GRM7: variants seen among roughly 807,000 people sequenced by gnomAD.
GRM7 encodes the protein metabotropic glutamate receptor 7.
A neutral mutation model predicts 84.5 loss-of-function variants in GRM7; 35 were observed. The observed-to-expected ratio is 0.41, with a 90% confidence interval of 0.32 to 0.55. GRM7 has a LOEUF of 0.55. Among genes scored for constraint, GRM7 ranks in the 20% least tolerant of loss-of-function variants. The pLI is 0.19. For missense variants in GRM7, 1,003 were observed against 1,194.6 expected (o/e 0.84, Z 2.36); for synonymous variants, 487 against 455.1 (o/e 1.07, Z -0.89).
intron 1 of GRM7, among the ~76,000 whole-genome samples, chr3:7,108,873 C>T (rs978822665): frequency 2.0e-5 from 3 of 152,052 alleles, no homozygotes; most frequent in African/African-American, 7.2e-5. Context: ...CCAATTTTCT[C>T]CTGTGTGATA....
At chr3:7,260,673 T>TTGTGTGTG (rs71063292) in intron 2 of GRM7, among the ~76,000 whole-genome samples, 2,243 of 144,480 alleles carry the variant, frequency 0.016, 18 homozygotes, top group African/African-American at 0.024. Flanking sequence ...TTCTTTTGAA[T>TTGTGTGTG]TGTGTGTGTG....
At chr3:7,204,399 A>T (rs1460818952) in intron 2 of GRM7, among the ~76,000 whole-genome samples, 1 of 152,234 alleles carries the variant, frequency 6.6e-6, no homozygotes, top group East Asian at 1.9e-4. Context: ...TTTGTCAGCT[A>T]ATATTGGGTT....
chr3:6,908,553 TC>T (rs1696660346), intron 1 of GRM7, among the ~76,000 whole-genome samples: 1 of 152,064 alleles, frequency 6.6e-6, no homozygotes, highest in South Asian at 2.1e-4. Context: ...CAGAAATAAC[TC>T]CCCTATTTGC....
chr3:7,297,912 C>T (rs190211479), intron 2 of GRM7, among the ~76,000 whole-genome samples: 13 of 152,270 alleles, frequency 8.5e-5, no homozygotes, highest in African/African-American at 2.6e-4. Flanking sequence ...AAGATGTATA[C>T]GCATTGCTTA....
In GRM7 at chr3:7,348,905, C is replaced by A. The variant is rs375982224; in HGVS notation, c.1033+42253C>A. On this transcript the variant is annotated intron_variant, in intron 4 of 9. Coordinates refer to ENST00000357716, the MANE Select transcript of GRM7 (RefSeq NM_000844.4). ...ATTCAAAGAGAACATGAATAACATA[C>A]ATGTAATTCTTTAAGCATTGATCAA... 3.3e-5 allele frequency among the ~76,000 whole-genome samples: 5 copies of A among 152,180 alleles called. No individual in the cohort carries two copies. The East Asian group carries it at 5.8e-4, about 18-fold the overall frequency.
chr3:6,953,809 A>G (rs1483185799), intron 1 of GRM7, among the ~76,000 whole-genome samples: 1 of 152,138 alleles, frequency 6.6e-6, no homozygotes, highest in Non-Finnish European at 1.5e-5. Context: ...CTTCTTTGGG[A>G]TTAGTAGACT....
At chr3:7,232,947 T>A (rs1443516770) in intron 2 of GRM7, among the ~76,000 whole-genome samples, 1 of 152,144 alleles carries the variant, frequency 6.6e-6, no homozygotes, top group Non-Finnish European at 1.5e-5. Context: ...TACTTATGGG[T>A]ACCCTGAAGG....
At chr3:7,675,471 CAGTT>C (rs1333049462) in intron 8 of GRM7, among the ~76,000 whole-genome samples, 11 of 152,190 alleles carry the variant, frequency 7.2e-5, no homozygotes, top group Admixed American at 5.2e-4. Context: ...ACACGGAACT[CAGTT>C]AGCACTAAAT....
intron 9 of GRM7, among the ~76,000 whole-genome samples, chr3:7,722,220 A>G (rs1020465695): frequency 2.0e-5 from 3 of 152,222 alleles, no homozygotes; most frequent in African/African-American, 4.8e-5. Flanking sequence ...GAAATTTTCC[A>G]TATGCATTCA....
chr3:7,395,014 A>G, intron 4 of GRM7, among the ~76,000 whole-genome samples: 1 of 147,506 alleles, frequency 6.8e-6, no homozygotes. Context: ...CTCCAGCCTG[A>G]GCAACAACAG....
intron 2 of GRM7, among the ~76,000 whole-genome samples, chr3:7,208,852 T>C (rs1696327750): frequency 6.6e-6 from 1 of 152,102 alleles, no homozygotes; most frequent in South Asian, 2.1e-4. Flanking sequence ...CCCAAGAGGG[T>C]ATAATAGATA....
intron 2 of GRM7, among the ~76,000 whole-genome samples, chr3:7,283,398 C>CTAT (rs1385971903): frequency 5.2e-5 from 6 of 114,586 alleles, no homozygotes; most frequent in Non-Finnish European, 1.1e-4. Context: ...ATTGAGGTTG[C>CTAT]TGTTATTATT....
chr3:7,069,604 C>G (rs1697790522), intron 1 of GRM7, among the ~76,000 whole-genome samples: 1 of 152,060 alleles, frequency 6.6e-6, no homozygotes, highest in South Asian at 2.1e-4. Context: ...CCAGTGGCCT[C>G]TTATGATTTT....
At position 7,582,287 on chromosome 3, in the gene GRM7, C is replaced by G. The variant is rs115963179; in HGVS notation, c.2451+2930C>G. Among the ~76,000 whole-genome samples the G allele has an allele frequency of 6.1e-3, 935 of 152,178 alleles. 9 individuals are homozygous for G. The highest frequency in any genetic ancestry group is 0.022 in the African/African-American group (893 of 41,522). On this transcript the variant is annotated intron_variant, in intron 8 of 9. Transcript: ENST00000357716. ...TCAGGTAGGGAACATACAGGCTACCCGGTCAAAATCTGAAAAATTCTATAG... is the reference window on the plus strand; with the variant it reads ...TCAGGTAGGGAACATACAGGCTACCGGGTCAAAATCTGAAAAATTCTATAG...
intron 1 of GRM7, among the ~76,000 whole-genome samples, chr3:6,909,447 C>A (rs766307901): frequency 1.3e-5 from 2 of 152,132 alleles, no homozygotes; most frequent in Non-Finnish European, 2.9e-5. Flanking sequence ...CCTATAAACT[C>A]CTTCAGGACA....
intron 1 of GRM7, among the ~76,000 whole-genome samples, chr3:6,870,804 C>A (rs955927759): frequency 6.6e-6 from 1 of 152,034 alleles, no homozygotes; most frequent in Non-Finnish European, 1.5e-5. Flanking sequence ...AGATTTTGGG[C>A]CTGGGCAACT....
chr3:7,197,356 C>T (rs748578268), intron 2 of GRM7, among the ~76,000 whole-genome samples: 2 of 152,182 alleles, frequency 1.3e-5, no homozygotes, highest in African/African-American at 4.8e-5. Flanking sequence ...TTAAAGACAT[C>T]TTTTATCCTC....
At chr3:7,636,448 G>A (rs1182226392) in intron 8 of GRM7, 41 of 346,950 alleles carry the variant, frequency 1.2e-4, no homozygotes, top group South Asian at 4.3e-4. Context: ...CAAGAACATC[G>A]GTTGAGAATA....
chr3:7,247,138 A>G (rs995190611), intron 2 of GRM7, among the ~76,000 whole-genome samples: 3 of 152,198 alleles, frequency 2.0e-5, no homozygotes, highest in Non-Finnish European at 4.4e-5. Flanking sequence ...CTTGCCTCTC[A>G]ACATACATGA....
Sources: gnomAD v4.1 joint callset for allele counts (sites outside exome capture counted in the v4.1 genomes callset) on GRCh38, gnomAD v4.1.1 for gene constraint, MANE v1.5 for transcripts, NCBI Gene and HGNC (gene_info 2026-07-23, HGNC 2026-07-21) for gene names.